Variants in NEGR1 observed in about 807,000 individuals in gnomAD.
NEGR1 encodes IgLON family member 4.
A neutral mutation model predicts 40.9 loss-of-function variants in NEGR1; 10 were observed. The observed-to-expected ratio is 0.24, with a 90% CI of 0.15 to 0.42. The LOEUF is 0.42. Ranked by LOEUF, NEGR1 falls within the 10% of genes least tolerant of loss-of-function variation. NEGR1 has a pLI of 1.00. For synonymous variants in NEGR1, 185 were observed against 166.8 expected, an observed-to-expected ratio of 1.11 and a Z score of -0.84; for missense variants, 352 against 438.9, an observed-to-expected ratio of 0.80 and a Z score of 1.77.
At chr1:72,235,939 G>A (rs1336857796) in intron 1 of NEGR1, among the ~76,000 whole-genome samples, 1 of 151,808 alleles carries the variant, frequency 6.6e-6, no homozygotes, top group Non-Finnish European at 1.5e-5. Context: ...AACTCAAAAA[G>A]CCCAAAGGAT....
chr1:71,498,437 G>T (rs188670254), intron 6 of NEGR1, among the ~76,000 whole-genome samples: 1 of 151,952 alleles, frequency 6.6e-6, no homozygotes, highest in Non-Finnish European at 1.5e-5. Context: ...ATAAAGAAAA[G>T]GGATGTACAT....
chr1:72,073,875 T>C (rs575326038), intron 1 of NEGR1, among the ~76,000 whole-genome samples: 74 of 152,192 alleles, frequency 4.9e-4, no homozygotes, highest in African/African-American at 1.6e-3. Flanking sequence ...TAGGATTTTA[T>C]ATGATACTGA....
In NEGR1 at chr1:71,423,209, G is replaced by A. The variant is rs535790272; in HGVS notation, c.941-15639C>T. Reference sequence around the variant, plus strand: ...TCGAGATCAGCCTGGGCAACAAAGCGAAAAATCCCATCTCTACAAAAAATA... The same window carrying A: ...TCGAGATCAGCCTGGGCAACAAAGCAAAAAATCCCATCTCTACAAAAAATA... On this transcript the variant is annotated intron_variant, in intron 6 of 6. Coordinates refer to ENST00000357731, the MANE Select transcript of NEGR1 (RefSeq NM_173808.3). Among the ~76,000 whole-genome samples the A allele has an allele frequency of 3.3e-5, 5 of 151,930 alleles. No homozygotes were observed. The East Asian group carries it at 5.8e-4, about 18-fold the overall frequency.
intron 1 of NEGR1, among the ~76,000 whole-genome samples, chr1:72,081,718 T>G (rs2100529059): frequency 6.6e-6 from 1 of 152,186 alleles, no homozygotes; most frequent in Non-Finnish European, 1.5e-5. Flanking sequence ...TAGAAGTTTT[T>G]GTGCTTTGTT....
intron 1 of NEGR1, among the ~76,000 whole-genome samples, chr1:72,066,389 C>T (rs187998722): frequency 1.2e-4 from 18 of 152,226 alleles, no homozygotes; most frequent in African/African-American, 3.9e-4. Flanking sequence ...AATTAGTCTC[C>T]TACTTCTAGA....
At chr1:71,737,500 T>C (rs1655077038) in intron 3 of NEGR1, among the ~76,000 whole-genome samples, 1 of 152,192 alleles carries the variant, frequency 6.6e-6, no homozygotes, top group Non-Finnish European at 1.5e-5. Context: ...ACTCTCTCAC[T>C]ATGCAAGTTG....
intron 1 of NEGR1, among the ~76,000 whole-genome samples, chr1:72,011,889 A>T (rs1296107837): frequency 6.6e-6 from 1 of 152,118 alleles, no homozygotes; most frequent in Non-Finnish European, 1.5e-5. Context: ...AAGTGATGAC[A>T]GAGCATTAAG....
chr1:71,833,113 C>G (rs918718668), intron 2 of NEGR1, among the ~76,000 whole-genome samples: 1 of 151,900 alleles, frequency 6.6e-6, no homozygotes, highest in African/African-American at 2.4e-5. Context: ...GGAAAAATTA[C>G]GTTTTCTTCA....
At chr1:71,767,460 C>G (rs1274025758) in intron 3 of NEGR1, among the ~76,000 whole-genome samples, 1 of 152,040 alleles carries the variant, frequency 6.6e-6, no homozygotes, top group Non-Finnish European at 1.5e-5. Flanking sequence ...TTTAAAGCAG[C>G]CAGGTGTTCA....
At chr1:71,958,605 A>G (rs1229226359) in intron 1 of NEGR1, among the ~76,000 whole-genome samples, 1 of 152,154 alleles carries the variant, frequency 6.6e-6, no homozygotes, top group East Asian at 1.9e-4. Flanking sequence ...CTCCTGGAAT[A>G]TCTTCTTCCT....
intron 3 of NEGR1, among the ~76,000 whole-genome samples, chr1:71,712,101 T>C (rs554403439): frequency 1.3e-4 from 20 of 152,312 alleles, no homozygotes; most frequent in African/African-American, 4.3e-4. Flanking sequence ...CTTATGTTCA[T>C]GGATACATGA....
intron 1 of NEGR1, among the ~76,000 whole-genome samples, chr1:72,237,665 T>G (rs1654601223): frequency 6.6e-6 from 1 of 152,066 alleles, no homozygotes; most frequent in African/African-American, 2.4e-5. Flanking sequence ...GAGAGGCATC[T>G]GTAACTCAGT....
intron 1 of NEGR1, among the ~76,000 whole-genome samples, chr1:72,168,013 T>A (rs1024626280): frequency 8.8e-4 from 132 of 150,478 alleles, no homozygotes; most frequent in Non-Finnish European, 1.6e-3. Context: ...TTATTTTTTT[T>A]TTTTTTTCTG....
At chr1:71,618,759 C>CA in intron 4 of NEGR1, among the ~76,000 whole-genome samples, 1 of 152,166 alleles carries the variant, frequency 6.6e-6, no homozygotes, top group Admixed American at 6.5e-5. Context: ...AATTGTCTTC[C>CA]AAAAAACCGG....
chr1:71,913,505 A>G (rs996925054), intron 2 of NEGR1, among the ~76,000 whole-genome samples: 2 of 152,158 alleles, frequency 1.3e-5, no homozygotes, highest in Admixed American at 6.5e-5. Flanking sequence ...TTCTAAACCC[A>G]TATTTTGCAT....
In NEGR1 at chr1:71,928,361, T is replaced by TGTGTATATATATAC. The variant is rs1645813643; in HGVS notation, c.409+6717_409+6718insGTATATATATACAC. Among the ~76,000 whole-genome samples the TGTGTATATATATAC allele has an allele frequency of 1.5e-4, 13 of 84,646 alleles. 2 individuals carry two copies. Among genetic ancestry groups the TGTGTATATATATAC allele is most frequent in the Admixed American group, 4.5e-4 (3 of 6,726 alleles). 55.5% of individuals were successfully genotyped at this position (84,646 alleles called of 152,430 possible). Reference sequence around the variant, plus strand: ...ATATACACACATGTGTATATATATATACACATATGTATATATGTATATATA... The same window carrying TGTGTATATATATAC: ...ATATACACACATGTGTATATATATATGTGTATATATATACACACATATGTATATATGTATATATA... On this transcript the variant is annotated intron_variant, in intron 2 of 6. Coordinates refer to ENST00000357731, the MANE Select transcript of NEGR1 (RefSeq NM_173808.3).
chr1:72,200,909 A>G (rs1199679891), intron 1 of NEGR1, among the ~76,000 whole-genome samples: 1 of 151,860 alleles, frequency 6.6e-6, no homozygotes, highest in East Asian at 1.9e-4. Flanking sequence ...TTTACTAATA[A>G]TAAGTTGTCT....
rs561476633 is a variant in NEGR1, at chr1:72,190,683, T to C, written c.176+91636A>G. 7.3e-5 allele frequency among the ~76,000 whole-genome samples: 11 copies of C among 151,686 alleles called. 2 individuals carry two copies. In the South Asian group the frequency reaches 2.1e-3, roughly 29 times the overall value. On this transcript the variant is annotated intron_variant, in intron 1 of 6. Coordinates refer to ENST00000357731, the MANE Select transcript of NEGR1 (RefSeq NM_173808.3). ...ATGTCTATGACATTAACATTTTGAT[T>C]AAACTTTTTATAGAGGCAAGAAAGT... is the stretch of plus-strand genomic sequence containing the variant.
chr1:71,798,929 T>C (rs1657442857), intron 2 of NEGR1, among the ~76,000 whole-genome samples: 1 of 152,184 alleles, frequency 6.6e-6, no homozygotes, highest in Non-Finnish European at 1.5e-5. Context: ...CCGAAGGTAC[T>C]ATATTAAGAC....
Sources: allele counts gnomAD v4.1 joint callset (sites outside exome capture counted in the v4.1 genomes callset), GRCh38; gene constraint gnomAD v4.1.1; transcripts MANE v1.5; gene names NCBI Gene and HGNC (gene_info 2026-07-23, HGNC 2026-07-21).